The following WAPL variants were observed in gnomAD, a reference collection of about 807,000 sequenced individuals.
The protein encoded by WAPL is wings apart-like protein homolog.
A neutral mutation model predicts 121.0 loss-of-function variants in WAPL; 5 were observed. That is an observed-to-expected ratio of 0.04 (90% CI 0.02 to 0.09). The LOEUF is 0.09. Among genes scored for constraint, WAPL ranks in the 10% least tolerant of loss-of-function variants. WAPL has a pLI of 1.00. For synonymous variants in WAPL, 480 were observed against 481.5 expected (o/e 1.00, Z 0.04); for missense variants, 999 against 1,410.8 (o/e 0.71, Z 4.68).
chr10:86,487,819 T>C (rs7071980), intron 4 of WAPL, among the ~76,000 whole-genome samples: 146,159 of 151,998 alleles, frequency 0.96, 70,417 homozygotes, highest in East Asian at 1. Flanking sequence ...GGAGTGAACC[T>C]GGGAGGCGGA....
chr10:86,505,110 A>C (rs912120994), intron 2 of WAPL, among the ~76,000 whole-genome samples: 1 of 152,040 alleles, frequency 6.6e-6, no homozygotes, highest in African/African-American at 2.4e-5. Context: ...ATTATTTTTA[A>C]AACAGTTTAG....
rs371496098 is a variant in WAPL at position 86,517,594 on chromosome 10, C to T, written c.476G>A (p.Ser159Asn). 24 of 1,610,066 alleles carry T rather than the reference C, an allele frequency of 1.5e-5. No homozygotes were observed. Among genetic ancestry groups the T allele is most frequent in the Non-Finnish European group, 1.9e-5 (22 of 1,177,490 alleles). Residue 159 changes from serine to asparagine, a missense_variant, in exon 2 of 19, where the codon AGC becomes AAC. By Grantham distance (46) the Ser-to-Asn change is conservative. This residue lies in a region of WAPL where 531 missense variants were observed against 563.1 expected (regional missense o/e 0.94). Coordinates refer to ENST00000298767, the MANE Select transcript of WAPL (RefSeq NM_015045.5). ...ACCTGAAGTTATTAATTTATTACAG[C>T]TACTTATGCTTGCATCATCTTCTAC... is the stretch of plus-strand genomic sequence containing the variant. ...RIVEDDASIS[S>N]CNKLITSDKV...
chr10:86,486,718 G>A (rs1841937192), intron 4 of WAPL, among the ~76,000 whole-genome samples: 1 of 152,204 alleles, frequency 6.6e-6, no homozygotes. Context: ...CACTTTGGGA[G>A]GCCGAGACCG....
intron 4 of WAPL, among the ~76,000 whole-genome samples, chr10:86,477,090 A>T (rs1241999021): frequency 6.6e-6 from 1 of 152,218 alleles, no homozygotes; most frequent in Non-Finnish European, 1.5e-5. Flanking sequence ...TACAAGATTA[A>T]TATAGGGTTT....
At chr10:86,450,840 C>A (rs1405023925) in intron 15 of WAPL, among the ~76,000 whole-genome samples, 1 of 152,190 alleles carries the variant, frequency 6.6e-6, no homozygotes, top group Non-Finnish European at 1.5e-5. Context: ...GGATTAACTA[C>A]CTCTTATCTA....
At chr10:86,509,845 A>G (rs1013839946) in intron 2 of WAPL, among the ~76,000 whole-genome samples, 1 of 149,828 alleles carries the variant, frequency 6.7e-6, no homozygotes, top group African/African-American at 2.5e-5. Context: ...GCTCACTGCA[A>G]CCTCCACCTC....
chr10:86,455,320 A>G (rs1841115732), intron 12 of WAPL, among the ~76,000 whole-genome samples: 1 of 152,250 alleles, frequency 6.6e-6, no homozygotes, highest in Admixed American at 6.5e-5. Flanking sequence ...AGGAGACTCC[A>G]TTTTGTTCTG....
chr10:86,497,928 T>C (rs1168175235), intron 3 of WAPL, among the ~76,000 whole-genome samples: 1 of 152,218 alleles, frequency 6.6e-6, no homozygotes, highest in African/African-American at 2.4e-5. Flanking sequence ...AAAATATGTA[T>C]CTTTTTCTAA....
chr10:86,437,875 TA>T, intron 18 of WAPL, 44 bp downstream of exon 18: 1 of 1,407,886 alleles, frequency 7.1e-7, no homozygotes, highest in Non-Finnish European at 1.0e-6. Flanking sequence ...ACTGTCAATG[TA>T]TTATAAATTT....
chr10:86,466,635 C>A, intron 9 of WAPL, among the ~76,000 whole-genome samples: 1 of 152,204 alleles, frequency 6.6e-6, no homozygotes, highest in East Asian at 1.9e-4. Context: ...GGATGTAAAT[C>A]CTCTGAAATG....
chr10:86,470,246 C>A (rs2132191245), intron 8 of WAPL, among the ~76,000 whole-genome samples: 1 of 152,208 alleles, frequency 6.6e-6, no homozygotes, highest in African/African-American at 2.4e-5. Context: ...GTTGGCCAGG[C>A]TGATCTCAAA....
chr10:86,505,340 G>C (rs1203762089), intron 2 of WAPL, among the ~76,000 whole-genome samples: 1 of 91,634 alleles, frequency 1.1e-5, no homozygotes, highest in African/African-American at 4.1e-5. Flanking sequence ...ACAGAGTCTT[G>C]CTCTGTCAAT....
In WAPL at chr10:86,500,372, T is replaced by G. The variant is rs1222308283; in HGVS notation, c.871A>C (p.Thr291Pro). ...GCCCTACAGTACGTCCTACAGTTGG[T>G]TGGCCTAAGAACACTTTGTACAATA... is the stretch of plus-strand genomic sequence containing the variant. ...EDIVQSVLRP[T>P]NCRTYCRANK... Residue 291 changes from threonine (T) to proline (P), a missense_variant, in exon 3 of 19, where the codon ACC becomes CCC. This residue lies in a region of WAPL where 531 missense variants were observed against 563.1 expected (regional missense o/e 0.94). Transcript: ENST00000298767. 2 of 1,614,204 alleles carry G rather than the reference T, an allele frequency of 1.2e-6. No individual in the cohort carries two copies. Among genetic ancestry groups the G allele is most frequent in the Non-Finnish European group, 1.7e-6 (2 of 1,180,032 alleles).
At chr10:86,466,362 A>G (rs1841395979) in intron 9 of WAPL, among the ~76,000 whole-genome samples, 1 of 152,132 alleles carries the variant, frequency 6.6e-6, no homozygotes. Context: ...TGAGCCCAGG[A>G]GTTCAAAACC....
chr10:86,484,321 C>T (rs1468584850), intron 4 of WAPL, among the ~76,000 whole-genome samples: 1 of 151,924 alleles, frequency 6.6e-6, no homozygotes, highest in African/African-American at 2.4e-5. Flanking sequence ...CATGGTGAAA[C>T]CCCACCTCTA....
chr10:86,505,094 T>C (rs571412353), intron 2 of WAPL, among the ~76,000 whole-genome samples: 11 of 152,008 alleles, frequency 7.2e-5, no homozygotes, highest in Admixed American at 3.3e-4. Context: ...CATGATGTAG[T>C]ACAGAATTAT....
chr10:86,513,958 C>T (rs1040798571), intron 2 of WAPL, among the ~76,000 whole-genome samples: 1 of 152,106 alleles, frequency 6.6e-6, no homozygotes, highest in African/African-American at 2.4e-5. Context: ...TTCTGAGACC[C>T]AAGTAGGTAC....
intron 13 of WAPL, 123 bp from the exon 14 acceptor site, chr10:86,453,458 T>C: frequency 1.6e-6 from 2 of 1,212,998 alleles, no homozygotes; most frequent in East Asian, 2.5e-5. Context: ...TGAAACATAC[T>C]ATTGATACTT....
rs1038238335 is a variant in WAPL, at chr10:86,436,164, C to T, written c.*1379G>A. Reference sequence around the variant, plus strand: ...AAAAACATTACAGCTGGCACTGATACAAGAGCCCCGATTTGTCACTTTATA... The same window carrying T: ...AAAAACATTACAGCTGGCACTGATATAAGAGCCCCGATTTGTCACTTTATA... On this transcript the variant is annotated 3_prime_UTR_variant, in exon 19 of 19. Transcript: ENST00000298767. 5 of 152,742 alleles carry T rather than the reference C, an allele frequency of 3.3e-5. No homozygotes were observed. The East Asian group carries it at 9.6e-4, about 29-fold the overall frequency. 9.5% of individuals were successfully genotyped at this position (152,742 alleles called of 1,614,324 possible). A position where few individuals can be genotyped will look rare whatever the true frequency, so the allele number is the denominator to read the frequency against.
Sources: allele counts gnomAD v4.1 joint callset (sites outside exome capture counted in the v4.1 genomes callset), GRCh38; gene constraint gnomAD v4.1.1; regional missense constraint gnomAD v4.1.1; transcripts MANE v1.5; gene names NCBI Gene and HGNC (gene_info 2026-07-23, HGNC 2026-07-21).